Variants in RAB30 observed in about 807,000 individuals in gnomAD.
The protein encoded by RAB30 is RAB30, member RAS oncogene family.
A neutral mutation model predicts 25.1 loss-of-function variants in RAB30; 9 were observed. That is an observed-to-expected ratio of 0.36 (90% CI 0.22 to 0.63). The LOEUF (loss-of-function observed/expected upper bound fraction) is 0.63. Among genes scored for constraint, RAB30 ranks in the 20% least tolerant of loss-of-function variants. The probability of loss-of-function intolerance (pLI) is 0.69; values close to 1 mark genes in which losing one functional copy is unlikely to be tolerated. For synonymous variants in RAB30, 77 were observed against 86.4 expected, an observed-to-expected ratio of 0.89 and a Z score of 0.60; for missense variants, 140 against 243.5, an observed-to-expected ratio of 0.58 and a Z score of 2.83.
intron 1 of RAB30, among the ~76,000 whole-genome samples, chr11:83,043,619 A>C (rs992099644): frequency 5.3e-5 from 8 of 152,212 alleles, no homozygotes; most frequent in African/African-American, 1.9e-4. Context: ...GAGATAAAGG[A>C]TCATGATGTC....
At chr11:82,997,027 A>G (rs919027518) in intron 2 of RAB30, among the ~76,000 whole-genome samples, 197 bp downstream of exon 2, 3 of 152,210 alleles carry the variant, frequency 2.0e-5, no homozygotes, top group Non-Finnish European at 4.4e-5. Context: ...TCCCAGGGCC[A>G]TGCTCCCGTG....
intron 1 of RAB30, among the ~76,000 whole-genome samples, chr11:83,002,975 C>G (rs901365587): frequency 2.6e-5 from 4 of 152,146 alleles, no homozygotes; most frequent in African/African-American, 9.7e-5. Flanking sequence ...TGTCCTTATT[C>G]AAAAACTGTG....
chr11:82,983,560 T>G (rs1301449503), intron 4 of RAB30, among the ~76,000 whole-genome samples: 4 of 152,002 alleles, frequency 2.6e-5, no homozygotes, highest in South Asian at 4.2e-4. Context: ...GCCTCCCAAG[T>G]AGCTGGGACT....
intron 3 of RAB30, among the ~76,000 whole-genome samples, chr11:82,992,059 G>A (rs1856861464): frequency 6.6e-6 from 1 of 152,110 alleles, no homozygotes; most frequent in South Asian, 2.1e-4. Context: ...TCAAATAAAT[G>A]AACTCATATA....
rs1339585750 is a variant in RAB30 at position 82,973,521 on chromosome 11, T to G, written c.*8644A>C. 1 of 152,260 alleles carries G rather than the reference T, an allele frequency of 6.6e-6. No homozygotes were observed. Among genetic ancestry groups the G allele is most frequent in the Non-Finnish European group, 1.5e-5 (1 of 68,028 alleles). The allele number at this position is 152,260 out of a possible 1,614,324, so 9.4% of individuals were successfully genotyped here. A position where few individuals can be genotyped will look rare whatever the true frequency, so the allele number is the denominator to read the frequency against. On this transcript the variant is annotated 3_prime_UTR_variant, in exon 5 of 5. Coordinates refer to ENST00000527633, the MANE Select transcript of RAB30 (RefSeq NM_001286060.2). ...TGCAGAGGACAAGAAATCCTCTATG[T>G]GATGGCAACTCAATTTCTACAAGAC...
intron 1 of RAB30, among the ~76,000 whole-genome samples, chr11:83,017,079 CT>C (rs1267145757): frequency 4.6e-5 from 7 of 152,144 alleles, no homozygotes; most frequent in Non-Finnish European, 1.0e-4. Flanking sequence ...TGGCTCACAC[CT>C]GTAATCCTAG....
chr11:83,008,564 G>C (rs1430370367), intron 1 of RAB30, among the ~76,000 whole-genome samples: 2 of 152,192 alleles, frequency 1.3e-5, no homozygotes, highest in Admixed American at 1.3e-4. Flanking sequence ...TACATCTATA[G>C]AGCACTTTTA....
chr11:83,059,091 T>C (rs1288884730), intron 1 of RAB30, among the ~76,000 whole-genome samples: 1 of 152,118 alleles, frequency 6.6e-6, no homozygotes, highest in Non-Finnish European at 1.5e-5. Flanking sequence ...TACAGGCACA[T>C]GACACCATGC....
Position 82,998,380 on chromosome 11 carries a change from A to T in RAB30, c.-8-1056T>A, listed in dbSNP as rs539577455. 6.4e-4 allele frequency among the ~76,000 whole-genome samples: 98 copies of T among 152,100 alleles called. No individual in the cohort carries two copies. The South Asian group carries it at 0.02, about 31-fold the overall frequency. The stretch of plus-strand genomic sequence containing the variant: ...CTGTGAAGATTTTTTAAAACTTACA[A>T]AAGAACCTTATACAAAAATTACCCA... On this transcript the variant is annotated intron_variant, in intron 1 of 4. Coordinates refer to ENST00000527633, the MANE Select transcript of RAB30 (RefSeq NM_001286060.2).
intron 1 of RAB30, among the ~76,000 whole-genome samples, chr11:83,018,484 T>A (rs1473867343): frequency 1.3e-5 from 2 of 152,198 alleles, no homozygotes; most frequent in Admixed American, 6.5e-5. Context: ...CATTTGTATA[T>A]CTTCTTCTGA....
intron 1 of RAB30, among the ~76,000 whole-genome samples, chr11:83,061,710 CTTTTTTT>C (rs569263010): frequency 2.5e-5 from 2 of 79,908 alleles, no homozygotes; most frequent in African/African-American, 5.0e-5. Context: ...TCTTTCTTTT[CTTTTTTT>C]TTTTTTTTTT....
intron 1 of RAB30, among the ~76,000 whole-genome samples, chr11:82,999,128 TCC>T (rs1186925330): frequency 6.6e-6 from 1 of 152,218 alleles, no homozygotes; most frequent in Non-Finnish European, 1.5e-5. Context: ...AGAATCTGGG[TCC>T]ATAAGCAGTG....
intron 1 of RAB30, among the ~76,000 whole-genome samples, chr11:83,008,187 G>A (rs1202364561): frequency 1.3e-5 from 2 of 152,196 alleles, no homozygotes; most frequent in Non-Finnish European, 2.9e-5. Flanking sequence ...TCAGGGCCAC[G>A]GCTCAGAACT....
intron 1 of RAB30, among the ~76,000 whole-genome samples, chr11:83,018,049 C>G (rs543149748): frequency 6.6e-6 from 1 of 152,120 alleles, no homozygotes; most frequent in East Asian, 1.9e-4. Flanking sequence ...GCCTGTAATC[C>G]CAGAACTTTG....
At chr11:83,034,572 T>C (rs903230006) in intron 1 of RAB30, 1 of 151,844 alleles carries the variant, frequency 6.6e-6, no homozygotes, top group African/African-American at 2.4e-5. Context: ...TATGAAACAG[T>C]CATTTAAAAA....
At chr11:83,068,545 A>G (rs138466253) in intron 1 of RAB30, among the ~76,000 whole-genome samples, 1 of 152,264 alleles carries the variant, frequency 6.6e-6, no homozygotes, top group East Asian at 1.9e-4. Flanking sequence ...CCTTAGGATA[A>G]AGACCAAAAT....
chr11:82,999,718 CA>C (rs1156267180), intron 1 of RAB30, among the ~76,000 whole-genome samples: 1 of 152,124 alleles, frequency 6.6e-6, no homozygotes, highest in East Asian at 1.9e-4. Flanking sequence ...ACACAAAACA[CA>C]ACTGAACCTC....
intron 1 of RAB30, among the ~76,000 whole-genome samples, chr11:83,006,338 A>G (rs187233179): frequency 3.3e-5 from 5 of 152,350 alleles, no homozygotes; most frequent in Admixed American, 3.3e-4. Flanking sequence ...AAATGGTTAT[A>G]TAGATTAAGG....
chr11:83,029,456 G>T lies in RAB30; in HGVS notation c.-8-32132C>A, dbSNP rs185915521. Among the ~76,000 whole-genome samples, 18 of 151,792 alleles carry T rather than the reference G, an allele frequency of 1.2e-4. 2 individuals are homozygous for T. In the South Asian group the frequency reaches 3.3e-3, roughly 28 times the overall value. Reference sequence around the variant, plus strand: ...CTCGCTCTGTTGCCCAGGCTGGAGTGCAGTGGTGTCATCATGGCTCACTGC... The same window carrying T: ...CTCGCTCTGTTGCCCAGGCTGGAGTTCAGTGGTGTCATCATGGCTCACTGC... On this transcript the variant is annotated intron_variant, in intron 1 of 4. Coordinates refer to ENST00000527633, the MANE Select transcript of RAB30 (RefSeq NM_001286060.2).
Sources: gnomAD v4.1 joint callset for allele counts (sites outside exome capture counted in the v4.1 genomes callset) on GRCh38, gnomAD v4.1.1 for gene constraint, MANE v1.5 for transcripts, NCBI Gene and HGNC (gene_info 2026-07-23, HGNC 2026-07-21) for gene names.